Variants in RBFOX1 observed in about 807,000 individuals in gnomAD.
RBFOX1 encodes the protein RNA binding protein fox-1 homolog 1.
RBFOX1 carries 8 observed loss-of-function variants against 57.7 expected under a neutral mutation model. The observed-to-expected ratio is 0.14, with a 90% CI of 0.08 to 0.25. RBFOX1 has a LOEUF of 0.25. Ranked by LOEUF, RBFOX1 falls within the 10% of genes least tolerant of loss-of-function variation. The probability of loss-of-function intolerance (pLI) is 1.00; values close to 1 mark genes in which losing one functional copy is unlikely to be tolerated. For missense variants in RBFOX1, 611 were observed against 548.5 expected (o/e 1.11, Z -1.14); for synonymous variants, 326 against 222.4 (o/e 1.47, Z -4.15).
chr16:6,054,746 C>G (rs2095593994), intron 1 of RBFOX1, among the ~76,000 whole-genome samples: 1 of 152,242 alleles, frequency 6.6e-6, no homozygotes, highest in African/African-American at 2.4e-5. Flanking sequence ...ACATAAGATT[C>G]ATCGGTGGAT....
At chr16:5,647,894 C>G (rs1356668932) in intron 3 of RBFOX1, among the ~76,000 whole-genome samples, 3 of 152,090 alleles carry the variant, frequency 2.0e-5, no homozygotes, top group Non-Finnish European at 4.4e-5. Context: ...GAGTTTCATT[C>G]TGTCACTCAG....
chr16:7,535,519 G>A (rs527347211), intron 5 of RBFOX1, among the ~76,000 whole-genome samples: 1 of 152,196 alleles, frequency 6.6e-6, no homozygotes, highest in Admixed American at 6.5e-5. Flanking sequence ...AGGGAAGGGA[G>A]GCCTTCCATG....
intron 2 of RBFOX1, among the ~76,000 whole-genome samples, chr16:5,471,591 C>G (rs1291150910): frequency 1.3e-5 from 2 of 152,112 alleles, no homozygotes; most frequent in African/African-American, 4.8e-5. Context: ...CCCTCTGTCT[C>G]TCCAGGCACC....
intron 3 of RBFOX1, among the ~76,000 whole-genome samples, chr16:6,809,922 A>T (rs1248073331): frequency 6.6e-6 from 1 of 152,112 alleles, no homozygotes; most frequent in Admixed American, 6.6e-5. Flanking sequence ...AATAAACACC[A>T]CCAAGATGAG....
At chr16:7,130,369 G>A (rs2069943152) in intron 4 of RBFOX1, among the ~76,000 whole-genome samples, 1 of 152,108 alleles carries the variant, frequency 6.6e-6, no homozygotes, top group South Asian at 2.1e-4. Context: ...AGCTGAATGG[G>A]TTAAGTGTTT....
chr16:7,108,343 C>T (rs1046244671), intron 4 of RBFOX1, among the ~76,000 whole-genome samples: 2 of 72,398 alleles, frequency 2.8e-5, no homozygotes, highest in Non-Finnish European at 3.9e-5. Context: ...TTCAGTACAG[C>T]TTGTCCTTTG....
chr16:7,175,881 T>G (rs1230009941), intron 4 of RBFOX1, among the ~76,000 whole-genome samples: 1 of 152,154 alleles, frequency 6.6e-6, no homozygotes, highest in African/African-American at 2.4e-5. Context: ...GTTCTTATAT[T>G]AGCCCTCTGA....
chr16:6,431,100 T>C (rs1255971404), intron 2 of RBFOX1, among the ~76,000 whole-genome samples: 1 of 151,952 alleles, frequency 6.6e-6, no homozygotes, highest in Non-Finnish European at 1.5e-5. Flanking sequence ...ATTGTGCCAT[T>C]GCACTGCAGT....
chr16:6,598,876 A>T (rs2097809055), intron 2 of RBFOX1, among the ~76,000 whole-genome samples: 1 of 152,094 alleles, frequency 6.6e-6, no homozygotes. Context: ...AATCCAGGAG[A>T]TGGAAGTTAC....
intron 4 of RBFOX1, among the ~76,000 whole-genome samples, chr16:5,873,568 G>C (rs2057532925): frequency 6.6e-6 from 1 of 152,224 alleles, no homozygotes; most frequent in African/African-American, 2.4e-5. Flanking sequence ...GAACGTTTAA[G>C]TGACAGTCTC....
At chr16:5,898,785 C>T (rs1343469984) in intron 4 of RBFOX1, among the ~76,000 whole-genome samples, 1 of 151,716 alleles carries the variant, frequency 6.6e-6, no homozygotes, top group Admixed American at 6.6e-5. Flanking sequence ...ACTGGTTGCA[C>T]ACAGTGGCTC....
At chr16:7,174,067 G>T (rs1359327643) in intron 4 of RBFOX1, among the ~76,000 whole-genome samples, 1 of 152,166 alleles carries the variant, frequency 6.6e-6, no homozygotes, top group African/African-American at 2.4e-5. Context: ...GTTAAATGCT[G>T]AATGGTGATT....
At chr16:6,945,020 C>T (rs115321157) in intron 3 of RBFOX1, among the ~76,000 whole-genome samples, 2,511 of 152,170 alleles carry the variant, frequency 0.017, 75 homozygotes, top group African/African-American at 0.058. Flanking sequence ...AGCTCTTCTT[C>T]TTATCTTAAC....
At chr16:5,757,153 T>C (rs2151634284) in intron 3 of RBFOX1, among the ~76,000 whole-genome samples, 1 of 152,112 alleles carries the variant, frequency 6.6e-6, no homozygotes, top group African/African-American at 2.4e-5. Context: ...AGCTTGCCCT[T>C]GGTCGATATT....
At chr16:5,829,228 G>A (rs549109436) in intron 3 of RBFOX1, among the ~76,000 whole-genome samples, 7 of 152,274 alleles carry the variant, frequency 4.6e-5, no homozygotes, top group South Asian at 4.2e-4. Flanking sequence ...GGCAGGGACC[G>A]TCCTGCAGAG....
intron 3 of RBFOX1, among the ~76,000 whole-genome samples, chr16:5,748,606 A>G (rs866684601): frequency 5.9e-5 from 9 of 152,034 alleles, no homozygotes; most frequent in African/African-American, 2.2e-4. Context: ...TGTTGAATTG[A>G]TCCCTTTACC....
intron 4 of RBFOX1, among the ~76,000 whole-genome samples, chr16:7,140,966 G>C (rs766809275): frequency 6.6e-6 from 1 of 152,200 alleles, no homozygotes; most frequent in Admixed American, 6.5e-5. Context: ...TTGGGAGAGA[G>C]AAGGAGGGAG....
chr16:6,669,961 T>C (rs920867055), intron 3 of RBFOX1, among the ~76,000 whole-genome samples: 1 of 152,192 alleles, frequency 6.6e-6, no homozygotes. Flanking sequence ...AGTCCACCTG[T>C]CAAAATAGCA....
chr16:6,123,243 A>T (rs1328154526), intron 1 of RBFOX1, among the ~76,000 whole-genome samples: 1 of 152,246 alleles, frequency 6.6e-6, no homozygotes. Flanking sequence ...CAAAAGGTGG[A>T]AACAACCCAA....
Sources: gnomAD v4.1 joint callset for allele counts (sites outside exome capture counted in the v4.1 genomes callset) on GRCh38, gnomAD v4.1.1 for gene constraint, MANE v1.5 for transcripts, NCBI Gene and HGNC (gene_info 2026-07-23, HGNC 2026-07-21) for gene names.